The following NEBL variants were observed in gnomAD, a reference collection of about 807,000 sequenced individuals.
The protein encoded by NEBL is nebulette.
NEBL carries 122 observed loss-of-function variants against 140.2 expected under a neutral mutation model. That is an observed-to-expected ratio of 0.87 (90% CI 0.75 to 1.01). NEBL has a LOEUF of 1.01. NEBL is among the 50% of genes least tolerant of loss of function. The probability of loss-of-function intolerance (pLI) is 0.00; values close to 1 mark genes in which losing one functional copy is unlikely to be tolerated. For synonymous variants in NEBL, 436 were observed against 398.9 expected, an observed-to-expected ratio of 1.09 and a Z score of -1.11; for missense variants, 1,365 against 1,231.3, an observed-to-expected ratio of 1.11 and a Z score of -1.62.
chr10:20,843,226 C>A (rs773976064), intron 12 of NEBL, among the ~76,000 whole-genome samples: 1 of 151,946 alleles, frequency 6.6e-6, no homozygotes, highest in Non-Finnish European at 1.5e-5. Context: ...GTCTGCAAGC[C>A]GGTAAGAGGG....
chr10:21,000,896 T>C (rs931659727), intron 3 of NEBL, among the ~76,000 whole-genome samples: 21 of 151,972 alleles, frequency 1.4e-4, no homozygotes, highest in African/African-American at 5.1e-4. Context: ...AAGGGCCACA[T>C]TGGGATTTAA....
At chr10:21,043,839 T>C (rs1834376949) in intron 2 of NEBL, among the ~76,000 whole-genome samples, 1 of 152,228 alleles carries the variant, frequency 6.6e-6, no homozygotes, top group African/African-American at 2.4e-5. Context: ...TAAGTTTATG[T>C]ATTTGTTTTT....
chr10:20,829,451 G>T (rs932398765), intron 16 of NEBL, among the ~76,000 whole-genome samples: 2 of 145,672 alleles, frequency 1.4e-5, no homozygotes, highest in Non-Finnish European at 1.5e-5. Context: ...TAGGGGGAGG[G>T]GGGAGGGATA....
intron 4 of NEBL, among the ~76,000 whole-genome samples, chr10:20,929,412 G>A (rs1192580611): frequency 6.6e-6 from 1 of 151,964 alleles, no homozygotes; most frequent in African/African-American, 2.4e-5. Context: ...ATAAAATTTT[G>A]TTAAAAGGAC....
At chr10:20,897,591 C>G, upstream of NEBL, 1 of 1,026,650 alleles carries the variant, frequency 9.7e-7, no homozygotes, top group Non-Finnish European at 1.2e-6. Flanking sequence ...CTACTCAGCT[C>G]TAACACTCAA....
chr10:21,222,224 T>C (rs183869230), intron 3 of NEBL, among the ~76,000 whole-genome samples: 205 of 151,618 alleles, frequency 1.4e-3, no homozygotes, highest in African/African-American at 4.6e-3. Flanking sequence ...GGTGGGAGAA[T>C]CGCTTAAGCC....
intron 3 of NEBL, among the ~76,000 whole-genome samples, chr10:20,972,738 T>C (rs549556299): frequency 1.3e-5 from 2 of 151,530 alleles, no homozygotes; most frequent in South Asian, 4.2e-4. Flanking sequence ...AGAGCAACAC[T>C]CCATCTCAAA....
intron 26 of NEBL, among the ~76,000 whole-genome samples, chr10:20,802,919 G>T (rs530914125): frequency 6.6e-6 from 1 of 152,290 alleles, no homozygotes; most frequent in Non-Finnish European, 1.5e-5. Flanking sequence ...TCTGCTTCTT[G>T]TTCTGCGCCA....
intron 3 of NEBL, among the ~76,000 whole-genome samples, chr10:20,998,577 G>T (rs1418278274): frequency 1.3e-5 from 2 of 151,986 alleles, no homozygotes; most frequent in Non-Finnish European, 2.9e-5. Flanking sequence ...CAGGGGAAAT[G>T]GTAGAACCAT....
rs184316314 is a variant in NEBL at position 21,053,332 on chromosome 10, T to C, written c.165-33131A>G. On this transcript the variant is annotated intron_variant, in intron 2 of 6. Coordinates refer to the NEBL transcript ENST00000417816. ...TCTTGGCTATAATCCCACTTCCCAC[T>C]CTTTTAAAATCCTGGCTTTCTAGAT... Among the ~76,000 whole-genome samples, 8 of 152,276 alleles carry C rather than the reference T, an allele frequency of 5.3e-5. 1 individual carries two copies. Among genetic ancestry groups the C allele is most frequent in the Admixed American group, 5.2e-4 (8 of 15,300 alleles).
rs1482150251 is a variant in NEBL at position 20,869,623 on chromosome 10, T to C, written c.582+117A>G. ...ATTTAGGGGGGGAAATTGAGATGTA[T>C]TCATTTATATTGATTAGTTACACTA... On this transcript the variant is annotated intron_variant, in intron 6 of 27. Transcript: ENST00000377122. 1.1e-5 allele frequency: 8 copies of C among 739,850 alleles called. No homozygotes were observed. In the East Asian group the frequency reaches 2.1e-4, roughly 19 times the overall value. 45.8% of individuals were successfully genotyped at this position (739,850 alleles called of 1,614,324 possible).
chr10:20,829,328 T>C (rs1180583762), intron 16 of NEBL, among the ~76,000 whole-genome samples: 2 of 151,362 alleles, frequency 1.3e-5, no homozygotes, highest in African/African-American at 2.4e-5. Context: ...CAGTAAACTA[T>C]TGCAAGAACA....
At chr10:21,279,129 A>G (rs989565290) in intron 1 of NEBL, among the ~76,000 whole-genome samples, 4 of 152,148 alleles carry the variant, frequency 2.6e-5, no homozygotes, top group African/African-American at 9.7e-5. Flanking sequence ...TCTCTGTTGC[A>G]TAGCCTCAAC....
At chr10:21,020,296 A>G in intron 2 of NEBL, 1 of 1,079,782 alleles carries the variant, frequency 9.3e-7, no homozygotes. Context: ...CCTTTTCCCA[A>G]CCCCATCACA....
intron 26 of NEBL, among the ~76,000 whole-genome samples, chr10:20,798,721 C>T (rs965636828): frequency 1.3e-5 from 2 of 152,180 alleles, no homozygotes; most frequent in Non-Finnish European, 1.5e-5. Flanking sequence ...TCCAAATCAA[C>T]TCAGCCTCAC....
At chr10:20,937,935 G>A (rs529997664) in intron 4 of NEBL, among the ~76,000 whole-genome samples, 35 of 152,296 alleles carry the variant, frequency 2.3e-4, no homozygotes, top group Non-Finnish European at 3.8e-4. Context: ...TAAACAAAGC[G>A]GCCAGGAAGC....
chr10:21,177,242 T>C (rs1366626547), upstream of NEBL, among the ~76,000 whole-genome samples: 1 of 152,270 alleles, frequency 6.6e-6, no homozygotes, highest in Non-Finnish European at 1.5e-5. Flanking sequence ...GCTTTGGCCC[T>C]TGGCCTTGAA....
intron 2 of NEBL, among the ~76,000 whole-genome samples, chr10:21,157,540 T>C (rs1840382868): frequency 6.6e-6 from 1 of 152,136 alleles, no homozygotes; most frequent in Non-Finnish European, 1.5e-5. Context: ...TACTGTACTC[T>C]AGCCTGGGTG....
At chr10:20,889,350 A>G (rs949181233) in intron 3 of NEBL, among the ~76,000 whole-genome samples, 1 of 152,232 alleles carries the variant, frequency 6.6e-6, no homozygotes, top group Non-Finnish European at 1.5e-5. Flanking sequence ...CTGTGATTTT[A>G]TAATAGGTAT....
Sources: allele counts gnomAD v4.1 joint callset (sites outside exome capture counted in the v4.1 genomes callset), GRCh38; gene constraint gnomAD v4.1.1; transcripts MANE v1.5; gene names NCBI Gene and HGNC (gene_info 2026-07-23, HGNC 2026-07-21).